Variants in MAPK8 observed in about 807,000 individuals in gnomAD.
MAPK8 encodes mitogen-activated protein kinase 8.
A neutral mutation model predicts 52.9 loss-of-function variants in MAPK8; 13 were observed. The ratio of observed to expected loss-of-function variants is 0.25; its 90% CI spans 0.16 to 0.39. The LOEUF is 0.39. MAPK8 is among the 10% of genes least tolerant of loss of function. The pLI, the probability that MAPK8 is intolerant of heterozygous loss-of-function variation, is 1.00. For synonymous variants in MAPK8, 191 were observed against 169.8 expected (o/e 1.12, Z -0.97); for missense variants, 300 against 519.2 (o/e 0.58, Z 4.10).
chr10:48,412,963 A>C (rs373834426), intron 5 of MAPK8, among the ~76,000 whole-genome samples: 1 of 151,906 alleles, frequency 6.6e-6, no homozygotes, highest in Non-Finnish European at 1.5e-5. Flanking sequence ...TCTCCCCGCA[A>C]CCCCCGACAG....
chr10:48,386,416 A>G (rs2041313641), intron 1 of MAPK8, among the ~76,000 whole-genome samples: 1 of 152,170 alleles, frequency 6.6e-6, no homozygotes, highest in Non-Finnish European at 1.5e-5. Context: ...GTACCTTGGG[A>G]AATAGTATAT....
At chr10:48,352,428 G>A (rs1431694203) in intron 1 of MAPK8, among the ~76,000 whole-genome samples, 3 of 152,006 alleles carry the variant, frequency 2.0e-5, no homozygotes, top group Non-Finnish European at 4.4e-5. Context: ...TAAACACAAT[G>A]ACCAAGTGGA....
intron 5 of MAPK8, among the ~76,000 whole-genome samples, chr10:48,416,227 T>C (rs1197617197): frequency 6.6e-6 from 1 of 152,174 alleles, no homozygotes; most frequent in Admixed American, 6.5e-5. Context: ...GCTGACGAGG[T>C]CCCACCATCT....
intron 1 of MAPK8, among the ~76,000 whole-genome samples, chr10:48,393,896 T>G (rs917429317): frequency 6.6e-6 from 1 of 152,042 alleles, no homozygotes; most frequent in South Asian, 2.1e-4. Context: ...TAAAATCTTG[T>G]TTTTTTGAAA....
At chr10:48,427,197 T>C in intron 10 of MAPK8, 54 bp downstream of exon 10, 2 of 1,290,266 alleles carry the variant, frequency 1.6e-6, no homozygotes, top group Non-Finnish European at 2.2e-6. Flanking sequence ...CTGGTTTTTA[T>C]ATGGTGATTT....
intron 1 of MAPK8, among the ~76,000 whole-genome samples, chr10:48,338,215 TA>T (rs1844884911): frequency 6.6e-6 from 1 of 152,086 alleles, no homozygotes; most frequent in Non-Finnish European, 1.5e-5. Flanking sequence ...AACAAAATAC[TA>T]GCAGACTGAA....
At position 48,421,521 on chromosome 10, in the gene MAPK8, G is replaced by A. The variant is rs2043353227; in HGVS notation, c.616+1201G>A. On this transcript the variant is annotated intron_variant, in intron 6 of 11. Transcript: ENST00000374189. ...AAGAAAAACTGTCATATATAGAATT[G>A]AGGCTGGGTATGGTCGCTTACACCT... Among the ~76,000 whole-genome samples, 4 of 152,206 alleles carry A rather than the reference G, an allele frequency of 2.6e-5. No homozygotes were observed. The South Asian group carries it at 8.3e-4, about 32-fold the overall frequency.
At chr10:48,311,803 A>G (rs552065031) in intron 1 of MAPK8, among the ~76,000 whole-genome samples, 41 of 152,272 alleles carry the variant, frequency 2.7e-4, no homozygotes, top group African/African-American at 9.4e-4. Context: ...TAGCGTTTCT[A>G]TGATTATAAT....
chr10:48,313,414 C>CA (rs1340635838), intron 1 of MAPK8, among the ~76,000 whole-genome samples: 2 of 50 alleles, frequency 0.04, no homozygotes, highest in Admixed American at 0.25. Flanking sequence ...GCCTGGGCGG[C>CA]AGAGGTGTAG....
chr10:48,427,360 CTCTG>C lies in MAPK8; in HGVS notation c.1060+221_1060+224del, dbSNP rs1198892937. 37 of 438,516 alleles carry C rather than the reference CTCTG, an allele frequency of 8.4e-5. No homozygotes were observed. In the South Asian group the frequency reaches 8.5e-4, roughly 10 times the overall value. The allele number at this position is 438,516 out of a possible 1,614,324, so 27.2% of individuals were successfully genotyped here. ...CACCCCAGACACAGACACATTAGTG[CTCTG>C]TCTCATATTTTTTTCCATGGTTTGT... is the stretch of plus-strand genomic sequence containing the variant. On this transcript the variant is annotated intron_variant, in intron 10 of 11. Coordinates refer to ENST00000374189, the MANE Select transcript of MAPK8 (RefSeq NM_001323329.2).
intron 10 of MAPK8, among the ~76,000 whole-genome samples, chr10:48,429,385 T>C (rs1044641003): frequency 1.3e-5 from 2 of 152,198 alleles, no homozygotes; most frequent in Non-Finnish European, 2.9e-5. Flanking sequence ...TTAAAAACAT[T>C]TACCTTTATT....
chr10:48,414,362 T>A (rs953224076), intron 5 of MAPK8, among the ~76,000 whole-genome samples: 1 of 152,048 alleles, frequency 6.6e-6, no homozygotes, highest in African/African-American at 2.4e-5. Context: ...AATGCTGACA[T>A]GAACATTTAT....
chr10:48,321,374 C>T (rs1393706390), intron 1 of MAPK8, among the ~76,000 whole-genome samples: 3 of 152,102 alleles, frequency 2.0e-5, no homozygotes, highest in Admixed American at 2.0e-4. Context: ...ACATGAGCTT[C>T]CTTGCCTGGC....
intron 1 of MAPK8, among the ~76,000 whole-genome samples, chr10:48,392,211 CT>C (rs2041662282): frequency 6.6e-6 from 1 of 152,166 alleles, no homozygotes. Context: ...GACAGGACCA[CT>C]TCTGAAATGA....
intron 1 of MAPK8, among the ~76,000 whole-genome samples, chr10:48,309,323 A>G (rs1430739578): frequency 6.6e-6 from 1 of 152,124 alleles, no homozygotes; most frequent in Non-Finnish European, 1.5e-5. Context: ...CACCATATCC[A>G]TTAGCAGTCA....
intron 1 of MAPK8, among the ~76,000 whole-genome samples, chr10:48,336,529 C>T (rs1365572245): frequency 6.6e-6 from 1 of 151,968 alleles, no homozygotes; most frequent in African/African-American, 2.4e-5. Flanking sequence ...TTTATATAGG[C>T]TATAGCTATT....
At chr10:48,373,452 A>G (rs1467906367) in intron 1 of MAPK8, among the ~76,000 whole-genome samples, 2 of 151,722 alleles carry the variant, frequency 1.3e-5, no homozygotes, top group Non-Finnish European at 2.9e-5. Context: ...AGACTGGCAA[A>G]TTCGTTAAAG....
chr10:48,394,320 C>T (rs2041780870), intron 1 of MAPK8, among the ~76,000 whole-genome samples: 1 of 151,812 alleles, frequency 6.6e-6, no homozygotes, highest in Non-Finnish European at 1.5e-5. Context: ...TCCAGTATTC[C>T]TTATAAAATA....
intron 2 of MAPK8, among the ~76,000 whole-genome samples, chr10:48,403,169 T>A (rs1235939200): frequency 6.6e-6 from 1 of 152,132 alleles, no homozygotes; most frequent in Admixed American, 6.5e-5. Context: ...TTCTAAAAAA[T>A]TCAGAGCAAG....
Sources: allele counts gnomAD v4.1 joint callset (sites outside exome capture counted in the v4.1 genomes callset), GRCh38; gene constraint gnomAD v4.1.1; transcripts MANE v1.5; gene names NCBI Gene and HGNC (gene_info 2026-07-23, HGNC 2026-07-21).